RBM5: variants seen among roughly 807,000 people sequenced by gnomAD.
The protein encoded by RBM5 is RNA-binding protein 5.
In RBM5, 15 loss-of-function variants were observed where a neutral mutation model predicts 124.6. The ratio of observed to expected loss-of-function variants is 0.12; its 90% confidence interval spans 0.08 to 0.19. The LOEUF (loss-of-function observed/expected upper bound fraction) is 0.19, where lower values mean the gene tolerates loss of function less well. RBM5 is among the 10% of genes least tolerant of loss of function. RBM5 has a pLI of 1.00. For missense variants in RBM5, 580 were observed against 1,026.5 expected (o/e 0.57, Z 5.94); for synonymous variants, 337 against 361.2 (o/e 0.93, Z 0.76).
In RBM5 at chr3:50,105,097, C is replaced by T; in HGVS notation, c.649C>T (p.Pro217Ser). The T allele has an allele frequency of 6.3e-7, 1 of 1,594,228 alleles. No individual in the cohort carries two copies. ...DKFDSEQEVP[P>S]GTTESVQSVD... ...TCTAGACTCTGAACAGGAAGTGCCT[C>T]CTGGAACCACAGAGTCGGTTCAGTC... The change falls in exon 9 of 25, where the codon CCT becomes TCT. Residue 217 changes from proline (P) to serine (S), a missense_variant. By Grantham distance (74) the Pro-to-Ser change is moderately conservative (BLOSUM62 -1). Transcript: ENST00000347869.
At chr3:50,095,218 A>G (rs2090789174) in intron 4 of RBM5, among the ~76,000 whole-genome samples, 1 of 152,106 alleles carries the variant, frequency 6.6e-6, no homozygotes, top group African/African-American at 2.4e-5. Context: ...AAAAGAAGTA[A>G]ATTACCATAT....
intron 8 of RBM5, 96 bp from the exon 9 acceptor site, chr3:50,104,981 G>A (rs914910364): frequency 4.3e-5 from 41 of 943,632 alleles, no homozygotes; most frequent in African/African-American, 8.2e-5. Context: ...CGATTGTTTT[G>A]TGTGGTTAAA....
rs760511763 is a variant in RBM5 at position 50,118,394 on chromosome 3, G to A, written c.2386G>A (p.Ala796Thr). ...AGGCAGCGCATATGGTTTGTCGGGC[G>A]CCGATTCCTACAAAGATGCTGTCCG... ...AKGSAYGLSG[A>T]DSYKDAVRKA... The change falls in exon 25 of 25, where the codon GCC becomes ACC. Residue 796 changes from alanine to threonine, a missense_variant. By Grantham distance (58) the Ala-to-Thr change is moderately conservative (BLOSUM62 0). Coordinates refer to ENST00000347869, the MANE Select transcript of RBM5 (RefSeq NM_005778.4). 15 of 1,614,014 alleles carry A rather than the reference G, an allele frequency of 9.3e-6. No homozygotes were observed. The highest frequency in any genetic ancestry group is 4.5e-5 in the East Asian group (2 of 44,890).
rs1196838702 is a variant in RBM5, at chr3:50,117,112, G to A, written c.2133G>A (p.Lys711=). 3 of 1,614,100 alleles carry A rather than the reference G, an allele frequency of 1.9e-6. No individual in the cohort carries two copies. Among genetic ancestry groups the A allele is most frequent in the Non-Finnish European group, 2.5e-6 (3 of 1,180,042 alleles). ...YRDRAAERRE[K]YGIPEPPEPK... The stretch of plus-strand genomic sequence containing the variant: ...ACCGAGCTGCAGAAAGACGGGAGAA[G>A]TACGGCATTCCAGAACCTCCAGAGC... The change falls in exon 23 of 25, where the codon AAG becomes AAA. Residue 711 remains lysine (K), a synonymous_variant. Transcript: ENST00000347869. This position sits in a 1 kb window ranked among gnomAD's most constrained non-coding sequence, Gnocchi z 4.2.
Position 50,095,696 on chromosome 3 carries a change from C to T in RBM5, c.339+1821C>T, listed in dbSNP as rs991850302. Among the ~76,000 whole-genome samples the T allele has an allele frequency of 8.6e-5, 13 of 151,942 alleles. No individual in the cohort carries two copies. In the East Asian group the frequency reaches 2.5e-3, roughly 29 times the overall value. On this transcript the variant is annotated intron_variant, in intron 4 of 24. Transcript: ENST00000347869. ...TATTCTCTTCCTAAGGCACTGTATT[C>T]ATGACTTTTGTGTAGCACCTTTACT... is the stretch of plus-strand genomic sequence containing the variant.
chr3:50,104,392 CT>C, intron 8 of RBM5, 84 bp downstream of exon 8: 1 of 1,312,654 alleles, frequency 7.6e-7, no homozygotes, highest in Non-Finnish European at 1.1e-6. Context: ...AATCCCACCA[CT>C]TTGCAAGGCC....
chr3:50,090,429 G>T lies in RBM5; in HGVS notation c.-6G>T. The T allele has an allele frequency of 6.2e-7, 1 of 1,613,966 alleles. No homozygotes were observed. Among genetic ancestry groups the T allele is most frequent in the Non-Finnish European group, 8.5e-7 (1 of 1,179,920 alleles). On this transcript the variant is annotated 5_prime_UTR_variant, in exon 2 of 25. Coordinates refer to ENST00000347869, the MANE Select transcript of RBM5 (RefSeq NM_005778.4). ...TGGAGCTGTGTGCTAAATCTTCAGT[G>T]GGACAATGGGTTCAGACAAAAGGTA...
At chr3:50,113,166 T>G (rs992746815) in intron 17 of RBM5, 1 of 393,844 alleles carries the variant, frequency 2.5e-6, no homozygotes, top group Non-Finnish European at 4.5e-6. Flanking sequence ...GAACTAAACT[T>G]TTTAAAGAAA....
intron 2 of RBM5, among the ~76,000 whole-genome samples, chr3:50,091,241 G>T (rs896934681): frequency 6.6e-6 from 1 of 152,214 alleles, no homozygotes; most frequent in Non-Finnish European, 1.5e-5. Context: ...CCCCTTTGGG[G>T]TGTCTCAGTC....
chr3:50,096,839 T>C (rs545668114), intron 4 of RBM5, among the ~76,000 whole-genome samples: 71 of 152,084 alleles, frequency 4.7e-4, no homozygotes, highest in Non-Finnish European at 9.3e-4. Flanking sequence ...ACTCTTGTCT[T>C]CAATCAATCC....
intron 18 of RBM5, 63 bp from the exon 19 acceptor site, chr3:50,113,887 G>A: frequency 6.4e-7 from 1 of 1,562,736 alleles, no homozygotes; most frequent in South Asian, 1.2e-5. Context: ...GATCCTTAAT[G>A]GCTCATTCTC....
At position 50,090,448 on chromosome 3, in the gene RBM5, A is replaced by G. The variant is rs755910328; in HGVS notation, c.14A>G (p.Lys5Arg). 14 of 1,614,044 alleles carry G rather than the reference A, an allele frequency of 8.7e-6. No homozygotes were observed. The highest frequency in any genetic ancestry group is 1.2e-5 in the Non-Finnish European group (14 of 1,179,952). The change falls in exon 2 of 25, where the codon AAA (lysine) becomes AGA (arginine). Residue 5 changes from lysine (K) to arginine (R), a missense_variant. By Grantham distance (26) the Lys-to-Arg change is conservative. Transcript: ENST00000347869. The stretch of plus-strand genomic sequence containing the variant: ...TTCAGTGGGACAATGGGTTCAGACA[A>G]AAGGTAAGTTACTACAGTACGTGGC... MGSD[K>R]RVSRTERSGR...
At position 50,117,606 on chromosome 3, in the gene RBM5, C is replaced by T; in HGVS notation, c.2322+227C>T. 2.1e-6 allele frequency: 1 copy of T among 471,960 alleles called. No homozygotes were observed. Among genetic ancestry groups the T allele is most frequent in the South Asian group, 2.9e-5 (1 of 34,268 alleles). 29.2% of individuals were successfully genotyped at this position (471,960 alleles called of 1,614,324 possible). ...GACCAGCCTGGGCAACACGGTGAAA[C>T]CCCGTCTCTACTAAAATACAAAATA... On this transcript the variant is annotated intron_variant, in intron 24 of 24. Transcript: ENST00000347869. The surrounding 1 kb of genome is among the most constrained non-coding windows in gnomAD (Gnocchi z 4.2).
chr3:50,107,468 C>T lies in RBM5; in HGVS notation c.954-14C>T, dbSNP rs2091054084. ...CTGTGATAGAATCACATGATTGGAT[C>T]TTTGTGGTTTCAGAGACTTGGTCCT... is the stretch of plus-strand genomic sequence containing the variant. On this transcript the variant is annotated splice_polypyrimidine_tract_variant and intron_variant, in intron 11 of 24. Coordinates refer to ENST00000347869, the MANE Select transcript of RBM5 (RefSeq NM_005778.4). The T allele has an allele frequency of 6.4e-7, 1 of 1,560,238 alleles. No individual in the cohort carries two copies.
chr3:50,106,928 T>C, intron 11 of RBM5, 64 bp downstream of exon 11: 1 of 1,335,014 alleles, frequency 7.5e-7, no homozygotes, highest in Non-Finnish European at 1.1e-6. Flanking sequence ...GTGTGCTAAC[T>C]GAACGCCAAG....
intron 22 of RBM5, chr3:50,116,757 C>T (rs770212851): frequency 5.5e-6 from 2 of 365,362 alleles, no homozygotes; most frequent in Non-Finnish European, 1.0e-5. Flanking sequence ...GGCAACTCTG[C>T]CTTCCTCTTC....
At chr3:50,116,135 C>T (rs1228022632) in intron 22 of RBM5, 155 bp downstream of exon 22, 2 of 662,014 alleles carry the variant, frequency 3.0e-6, no homozygotes, top group East Asian at 2.8e-5. Flanking sequence ...CTAGACCCAG[C>T]CTCTGTGTGC....
At chr3:50,101,837 T>G (rs2090945786) in intron 6 of RBM5, 1 of 152,246 alleles carries the variant, frequency 6.6e-6, no homozygotes, top group African/African-American at 2.4e-5. Context: ...CCAGTAGGAT[T>G]AGGGACTCAC....
At chr3:50,108,349 A>T (rs2091078537) in intron 14 of RBM5, 45 bp downstream of exon 14, 4 of 1,494,364 alleles carry the variant, frequency 2.7e-6, no homozygotes, top group Non-Finnish European at 3.7e-6. Flanking sequence ...AAGCACTTAC[A>T]GTTGAAGAAA....
Sources: allele counts gnomAD v4.1 joint callset (sites outside exome capture counted in the v4.1 genomes callset), GRCh38; gene constraint gnomAD v4.1.1; non-coding constraint Gnocchi (gnomAD v3.1); transcripts MANE v1.5; gene names NCBI Gene and HGNC (gene_info 2026-07-23, HGNC 2026-07-21).